The following LRRTM4 variants were observed in gnomAD, a reference collection of about 807,000 sequenced individuals.
The protein encoded by LRRTM4 is leucine rich repeat transmembrane neuronal 4.
In LRRTM4, 25 loss-of-function variants were observed where a neutral mutation model predicts 47.6. The observed-to-expected ratio is 0.53, with a 90% CI of 0.38 to 0.73. The LOEUF (loss-of-function observed/expected upper bound fraction) is 0.73. LRRTM4 is among the 30% of genes least tolerant of loss of function. The probability of loss-of-function intolerance (pLI) is 0.00; values close to 1 mark genes in which losing one functional copy is unlikely to be tolerated. For missense variants in LRRTM4, 638 were observed against 713.4 expected (o/e 0.89, Z 1.20); for synonymous variants, 311 against 269.5 (o/e 1.15, Z -1.51).
chr2:77,284,272 T>C (rs887244240), intron 3 of LRRTM4, among the ~76,000 whole-genome samples: 3 of 152,108 alleles, frequency 2.0e-5, no homozygotes, highest in Admixed American at 1.3e-4. Flanking sequence ...ATAATTATCA[T>C]AGTATACTTA....
chr2:76,879,949 T>C (rs1295449570), intron 3 of LRRTM4, among the ~76,000 whole-genome samples: 3 of 152,204 alleles, frequency 2.0e-5, no homozygotes, highest in Non-Finnish European at 4.4e-5. Flanking sequence ...GAGTTAAAAG[T>C]GGAACGTGAA....
chr2:76,857,698 T>C (rs901203034), intron 3 of LRRTM4, among the ~76,000 whole-genome samples: 2 of 152,180 alleles, frequency 1.3e-5, no homozygotes, highest in Non-Finnish European at 2.9e-5. Flanking sequence ...TTTGGCAACA[T>C]AATTTTGTGT....
chr2:76,949,354 T>G (rs1675427146), intron 3 of LRRTM4, among the ~76,000 whole-genome samples: 1 of 151,890 alleles, frequency 6.6e-6, no homozygotes, highest in African/African-American at 2.4e-5. Context: ...TATTGGGAAT[T>G]CGCTCTCATG....
intron 3 of LRRTM4, among the ~76,000 whole-genome samples, chr2:77,274,815 T>G (rs991985436): frequency 6.6e-6 from 1 of 151,812 alleles, no homozygotes; most frequent in Non-Finnish European, 1.5e-5. Context: ...TTCATTAGGG[T>G]CTCCCTCCTT....
chr2:76,860,342 G>T (rs945386158), intron 3 of LRRTM4, among the ~76,000 whole-genome samples: 1 of 152,128 alleles, frequency 6.6e-6, no homozygotes, highest in Non-Finnish European at 1.5e-5. Context: ...GATATTCGAT[G>T]ATGTCTAAGA....
chr2:77,092,212 T>C (rs1670666450), intron 3 of LRRTM4, among the ~76,000 whole-genome samples: 1 of 152,182 alleles, frequency 6.6e-6, no homozygotes, highest in Non-Finnish European at 1.5e-5. Context: ...CTGTTGTTCC[T>C]GACCCAGACT....
At chr2:77,025,972 C>T (rs527768619) in intron 3 of LRRTM4, among the ~76,000 whole-genome samples, 18 of 152,110 alleles carry the variant, frequency 1.2e-4, no homozygotes, top group Non-Finnish European at 1.9e-4. Context: ...GACACGATTG[C>T]ACATGTTTCC....
intron 3 of LRRTM4, among the ~76,000 whole-genome samples, chr2:77,243,441 A>T (rs1289201951): frequency 6.7e-5 from 10 of 150,376 alleles, no homozygotes; most frequent in Non-Finnish European, 1.5e-4. Context: ...AAATAAAAAA[A>T]AAAGATAAAT....
At chr2:76,814,406 T>C (rs999926585) in intron 3 of LRRTM4, among the ~76,000 whole-genome samples, 7 of 152,110 alleles carry the variant, frequency 4.6e-5, no homozygotes, top group African/African-American at 1.7e-4. Context: ...GCTGTTTGTA[T>C]TCTTTAACAT....
At chr2:77,244,641 C>T in intron 3 of LRRTM4, among the ~76,000 whole-genome samples, 1 of 151,958 alleles carries the variant, frequency 6.6e-6, no homozygotes, top group South Asian at 2.1e-4. Flanking sequence ...TGAGTGTAGG[C>T]TAGACTTAGA....
At chr2:77,337,567 T>A (rs1671212442) in intron 3 of LRRTM4, among the ~76,000 whole-genome samples, 2 of 151,980 alleles carry the variant, frequency 1.3e-5, no homozygotes, top group African/African-American at 4.8e-5. Context: ...TGAGATCTGG[T>A]GGTTTTATAA....
At chr2:76,925,106 G>A (rs1368571393) in intron 3 of LRRTM4, among the ~76,000 whole-genome samples, 2 of 152,082 alleles carry the variant, frequency 1.3e-5, no homozygotes, top group Non-Finnish European at 2.9e-5. Flanking sequence ...AGGTAAAGAT[G>A]TAATTGAGTT....
At chr2:76,980,726 T>C (rs1676574986) in intron 3 of LRRTM4, among the ~76,000 whole-genome samples, 1 of 152,084 alleles carries the variant, frequency 6.6e-6, no homozygotes, top group Admixed American at 6.6e-5. Flanking sequence ...AGCCAGCATT[T>C]GGTAACCATG....
At position 77,141,093 on chromosome 2, in the gene LRRTM4, A is replaced by G. The variant is rs530879559; in HGVS notation, c.1551+377225T>C. On this transcript the variant is annotated intron_variant, in intron 3 of 3. Coordinates refer to ENST00000409884, the MANE Select transcript of LRRTM4 (RefSeq NM_001134745.3). The stretch of plus-strand genomic sequence containing the variant: ...TCCTCAAGGATCTAGAACTAGAAAT[A>G]CCATTTGACCCAGCCATCCCATTAC... Among the ~76,000 whole-genome samples, 336 of 152,248 alleles carry G rather than the reference A, an allele frequency of 2.2e-3. 1 individual carries two copies. Among genetic ancestry groups the G allele is most frequent in the African/African-American group, 7.7e-3 (320 of 41,546 alleles).
At chr2:76,846,256 C>A in intron 3 of LRRTM4, among the ~76,000 whole-genome samples, 1 of 152,184 alleles carries the variant, frequency 6.6e-6, no homozygotes, top group Non-Finnish European at 1.5e-5. Flanking sequence ...AGGCTGGACT[C>A]ACTCCCAAGG....
intron 3 of LRRTM4, among the ~76,000 whole-genome samples, chr2:77,081,330 A>G (rs552445573): frequency 6.6e-6 from 1 of 151,948 alleles, no homozygotes; most frequent in East Asian, 1.9e-4. Context: ...TTAACCTTTA[A>G]AAGTACATTT....
chr2:76,823,060 A>C (rs1285395324), intron 3 of LRRTM4, among the ~76,000 whole-genome samples: 1 of 151,488 alleles, frequency 6.6e-6, no homozygotes, highest in Non-Finnish European at 1.5e-5. Context: ...AGTAACACAG[A>C]AAATGAGAGA....
At chr2:77,477,608 C>T (rs549433402) in intron 3 of LRRTM4, among the ~76,000 whole-genome samples, 12 of 151,730 alleles carry the variant, frequency 7.9e-5, no homozygotes, top group South Asian at 6.2e-4. Context: ...TTTGGGAGGC[C>T]GAGGTGGACG....
chr2:76,947,238 G>C (rs774598952), intron 3 of LRRTM4, among the ~76,000 whole-genome samples: 4 of 151,478 alleles, frequency 2.6e-5, no homozygotes, highest in African/African-American at 4.8e-5. Context: ...TTGATCCTGA[G>C]ACTACACTGA....
Sources: gnomAD v4.1 joint callset for allele counts (sites outside exome capture counted in the v4.1 genomes callset) on GRCh38, gnomAD v4.1.1 for gene constraint, MANE v1.5 for transcripts, NCBI Gene and HGNC (gene_info 2026-07-23, HGNC 2026-07-21) for gene names.